P2RY12: variants seen among roughly 807,000 people sequenced by gnomAD.
P2RY12 encodes purinergic receptor P2Y12, also known as P2Y purinoceptor 12.
A neutral mutation model predicts 4.5 loss-of-function variants in P2RY12; 3 were observed. That is an observed-to-expected ratio of 0.67 (90% CI 0.31 to 1.74). The LOEUF (loss-of-function observed/expected upper bound fraction) is 1.74, where lower values mean the gene tolerates loss of function less well. P2RY12 is among the 40% of genes most tolerant of loss of function. The pLI is 0.09. For missense variants in P2RY12, 356 were observed against 407.8 expected (o/e 0.87, Z 1.09); for synonymous variants, 148 against 154.1 (o/e 0.96, Z 0.29).
chr3:151,356,060 C>T, intron 1 of P2RY12: 1 of 1,596,014 alleles, frequency 6.3e-7, no homozygotes, highest in Non-Finnish European at 8.5e-7. Flanking sequence ...GACCATGTTT[C>T]TCTTACTTTT....
chr3:151,373,540 A>G (rs1386578563), intron 1 of P2RY12, among the ~76,000 whole-genome samples: 1 of 149,582 alleles, frequency 6.7e-6, no homozygotes, highest in Non-Finnish European at 1.5e-5. Flanking sequence ...AGTCTTTACT[A>G]TGATGGTTGC....
chr3:151,362,459 A>T (rs1383619148), intron 1 of P2RY12, among the ~76,000 whole-genome samples: 2 of 151,978 alleles, frequency 1.3e-5, no homozygotes, highest in African/African-American at 2.4e-5. Flanking sequence ...GTTGCTTGTG[A>T]TACTTGTCCT....
intron 1 of P2RY12, chr3:151,355,390 T>G (rs1027197227): frequency 1.8e-6 from 1 of 564,818 alleles, no homozygotes; most frequent in African/African-American, 1.9e-5. Flanking sequence ...AGTAGTTCTT[T>G]TAAGTGTCAG....
chr3:151,384,616 A>G (rs1713004249), intron 1 of P2RY12, 76 bp downstream of exon 1: 1 of 190,924 alleles, frequency 5.2e-6, no homozygotes, highest in South Asian at 1.3e-4. Flanking sequence ...CCTTTAAAAA[A>G]AAATTGTAAG....
chr3:151,372,275 T>C (rs2108016383), intron 1 of P2RY12, among the ~76,000 whole-genome samples: 1 of 152,354 alleles, frequency 6.6e-6, no homozygotes, highest in Non-Finnish European at 1.5e-5. Context: ...CAATGTTCTC[T>C]GATTACTTAG....
intron 1 of P2RY12, among the ~76,000 whole-genome samples, chr3:151,383,316 CG>C: frequency 6.6e-6 from 1 of 152,278 alleles, no homozygotes; most frequent in East Asian, 1.9e-4. Flanking sequence ...GGTAGGTGTG[CG>C]GGCCAAGCCT....
Position 151,347,707 on chromosome 3 carries a change from G to A in P2RY12, c.-179-6947C>T, listed in dbSNP as rs748541538. 1.1e-4 allele frequency among the ~76,000 whole-genome samples: 17 copies of A among 152,178 alleles called. No homozygotes were observed. In the South Asian group the frequency reaches 1.5e-3, roughly 13 times the overall value. ...TGTGGGGGATGTGCAGAGGAGGAGG[G>A]GAAGTCTAGCATGTGAATTAACAGT... On this transcript the variant is annotated intron_variant, in intron 1 of 2. Coordinates refer to ENST00000302632, the MANE Select transcript of P2RY12 (RefSeq NM_022788.5).
At position 151,384,264 on chromosome 3, in the gene P2RY12, A is replaced by G. The variant is rs371324640; in HGVS notation, c.-180+428T>C. Reference sequence around the variant, plus strand: ...TATTATGAGCTCAAGTTGTTTATGGATTTATTATCTAGTGCATTTTAATTT... The same window carrying G: ...TATTATGAGCTCAAGTTGTTTATGGGTTTATTATCTAGTGCATTTTAATTT... On this transcript the variant is annotated intron_variant, in intron 1 of 2. Coordinates refer to ENST00000302632, the MANE Select transcript of P2RY12 (RefSeq NM_022788.5). 2.6e-5 allele frequency: 40 copies of G among 1,535,386 alleles called. No homozygotes were observed. The African/African-American group carries it at 5.1e-4, about 20-fold the overall frequency.
chr3:151,356,630 T>TTTG (rs1414782391), intron 1 of P2RY12, among the ~76,000 whole-genome samples: 4 of 152,074 alleles, frequency 2.6e-5, no homozygotes, highest in Non-Finnish European at 2.9e-5. Flanking sequence ...TCTGTTTTTT[T>TTTG]TTGTTGTTGT....
At chr3:151,380,489 C>T (rs1410303575) in intron 1 of P2RY12, among the ~76,000 whole-genome samples, 1 of 150,868 alleles carries the variant, frequency 6.6e-6, no homozygotes, top group Admixed American at 6.6e-5. Context: ...CCCAGCTACT[C>T]GGGAGGCCAA....
intron 1 of P2RY12, among the ~76,000 whole-genome samples, chr3:151,341,268 T>A (rs1212410783): frequency 5.3e-5 from 8 of 152,164 alleles, no homozygotes; most frequent in Non-Finnish European, 1.2e-4. Context: ...AACTCCTTTG[T>A]AGGTGAAACA....
At chr3:151,362,877 A>G (rs577261651) in intron 1 of P2RY12, among the ~76,000 whole-genome samples, 2 of 152,284 alleles carry the variant, frequency 1.3e-5, no homozygotes, top group African/African-American at 4.8e-5. Context: ...TTGTGTCACA[A>G]TTTAAAAATA....
intron 1 of P2RY12, among the ~76,000 whole-genome samples, chr3:151,371,483 A>G (rs1756178892): frequency 1.3e-5 from 2 of 152,214 alleles, no homozygotes; most frequent in South Asian, 2.1e-4. Flanking sequence ...ATATGATTAT[A>G]TATTGATAAA....
chr3:151,342,026 C>T (rs564810654), intron 1 of P2RY12, among the ~76,000 whole-genome samples: 166 of 152,098 alleles, frequency 1.1e-3, no homozygotes, highest in African/African-American at 3.4e-3. Context: ...TGAATAGTGC[C>T]GCAATAAACA....
intron 1 of P2RY12, among the ~76,000 whole-genome samples, chr3:151,342,473 A>T (rs924183367): frequency 6.6e-6 from 1 of 152,222 alleles, no homozygotes. Context: ...GGAACTTGCT[A>T]GAAATGCACA....
rs755133382 is a variant in P2RY12 at position 151,360,495 on chromosome 3, T to A, written c.-179-19735A>T. The A allele has an allele frequency of 6.2e-6, 10 of 1,612,698 alleles. No individual in the cohort carries two copies. The Admixed American group carries it at 1.7e-4, about 27-fold the overall frequency. On this transcript the variant is annotated intron_variant, in intron 1 of 2. Coordinates refer to ENST00000302632, the MANE Select transcript of P2RY12 (RefSeq NM_022788.5). ...TCAGGTTGTGTGGTGTGGTCAAGCA[T>A]GTCGTAAACCCCTCAGAATGTTCTT...
intron 1 of P2RY12, chr3:151,378,027 G>A: frequency 1.2e-6 from 2 of 1,606,332 alleles, no homozygotes; most frequent in Non-Finnish European, 1.7e-6. Flanking sequence ...CCGAACGCAG[G>A]GGTGTATGGT....
At chr3:151,359,472 C>A (rs1352886) in intron 1 of P2RY12, among the ~76,000 whole-genome samples, 1 of 151,862 alleles carries the variant, frequency 6.6e-6, no homozygotes, top group Non-Finnish European at 1.5e-5. Flanking sequence ...ACCTATGGTA[C>A]CTGTGATTCC....
chr3:151,376,174 G>C, intron 1 of P2RY12: 3 of 1,602,020 alleles, frequency 1.9e-6, no homozygotes, highest in East Asian at 2.3e-5. Flanking sequence ...TGTACCGAGG[G>C]GGACAATCTG....
Sources: gnomAD v4.1 joint callset for allele counts (sites outside exome capture counted in the v4.1 genomes callset) on GRCh38, gnomAD v4.1.1 for gene constraint, MANE v1.5 for transcripts, NCBI Gene and HGNC (gene_info 2026-07-23, HGNC 2026-07-21) for gene names.